GRM7: variants seen among roughly 807,000 people sequenced by gnomAD.
GRM7 encodes glutamate metabotropic receptor 7.
In GRM7, 35 loss-of-function variants were observed where a neutral mutation model predicts 84.5. That is an observed-to-expected ratio of 0.41 (90% CI 0.32 to 0.55). The LOEUF is 0.55. Among genes scored for constraint, GRM7 ranks in the 20% least tolerant of loss-of-function variants. GRM7 has a pLI of 0.19. For synonymous variants in GRM7, 487 were observed against 455.1 expected (o/e 1.07, Z -0.89); for missense variants, 1,003 against 1,194.6 (o/e 0.84, Z 2.36).
In GRM7 at chr3:7,579,184, T is replaced by C. The variant is rs748466917; in HGVS notation, c.2278T>C (p.Leu760=). ...TACAGATCTCCAAATCATTTGCTCC[T>C]TGGGATATAGCATTCTTCTCATGGT... The part of the protein sequence containing the change: ...DITDLQIICS[L]GYSILLMVTC... The change falls in exon 8 of 10, where the codon TTG becomes CTG. Residue 760 remains leucine (L), a synonymous_variant. Coordinates refer to ENST00000357716, the MANE Select transcript of GRM7 (RefSeq NM_000844.4). 18 of 1,613,916 alleles carry C rather than the reference T, an allele frequency of 1.1e-5. No homozygotes were observed. The East Asian group carries it at 4.0e-4, about 36-fold the overall frequency.
chr3:7,077,264 A>G (rs1207754591), intron 1 of GRM7, among the ~76,000 whole-genome samples: 1 of 152,240 alleles, frequency 6.6e-6, no homozygotes, highest in African/African-American at 2.4e-5. Context: ...CTGTAAGGAC[A>G]CATACACACG....
At chr3:7,239,800 T>A (rs1697482110) in intron 2 of GRM7, among the ~76,000 whole-genome samples, 1 of 152,198 alleles carries the variant, frequency 6.6e-6, no homozygotes, top group African/African-American at 2.4e-5. Flanking sequence ...GTGCTCCTTC[T>A]TTCAGCATCA....
chr3:7,044,023 C>G (rs554487488), intron 1 of GRM7, among the ~76,000 whole-genome samples: 1 of 152,192 alleles, frequency 6.6e-6, no homozygotes, highest in African/African-American at 2.4e-5. Flanking sequence ...ATCTCATTAA[C>G]TTTAGCTCAT....
At chr3:6,907,697 C>T (rs527291767) in intron 1 of GRM7, among the ~76,000 whole-genome samples, 6 of 152,044 alleles carry the variant, frequency 3.9e-5, no homozygotes, top group East Asian at 1.9e-4. Flanking sequence ...TAAGGAACCA[C>T]GGAGAGAGAA....
At chr3:7,727,118 A>G (rs1253380347) in intron 9 of GRM7, among the ~76,000 whole-genome samples, 2 of 152,190 alleles carry the variant, frequency 1.3e-5, no homozygotes, top group African/African-American at 2.4e-5. Context: ...ATTATTAACA[A>G]TATAGCACAT....
At chr3:7,179,036 G>A (rs1695249943) in intron 2 of GRM7, among the ~76,000 whole-genome samples, 1 of 152,162 alleles carries the variant, frequency 6.6e-6, no homozygotes, top group Non-Finnish European at 1.5e-5. Flanking sequence ...AGCCTGGGAG[G>A]TGGAAGTTGC....
intron 1 of GRM7, among the ~76,000 whole-genome samples, chr3:7,025,334 A>G (rs1695942226): frequency 6.6e-6 from 1 of 152,202 alleles, no homozygotes; most frequent in South Asian, 2.1e-4. Context: ...CTGGGGATGA[A>G]GCATTATTCT....
chr3:7,561,062 T>C (rs1183329315), intron 7 of GRM7, among the ~76,000 whole-genome samples: 2 of 152,072 alleles, frequency 1.3e-5, no homozygotes, highest in Admixed American at 6.6e-5. Flanking sequence ...CATTTTTTCT[T>C]CCTCCCTTGC....
chr3:7,518,164 C>T, intron 7 of GRM7, among the ~76,000 whole-genome samples: 1 of 152,180 alleles, frequency 6.6e-6, no homozygotes, highest in East Asian at 1.9e-4. Context: ...AGAGCACAAG[C>T]CCCAAGAGAG....
intron 2 of GRM7, among the ~76,000 whole-genome samples, chr3:7,291,169 C>T (rs892859700): frequency 2.6e-5 from 4 of 151,610 alleles, no homozygotes; most frequent in South Asian, 2.1e-4. Context: ...GGAATTTTCT[C>T]GTCCTTCTAT....
intron 2 of GRM7, among the ~76,000 whole-genome samples, chr3:7,170,070 G>A (rs546612616): frequency 1.3e-5 from 2 of 152,140 alleles, no homozygotes; most frequent in African/African-American, 4.8e-5. Context: ...ACTCATTCCT[G>A]GGTGTTGCTG....
chr3:6,984,396 A>T (rs1266869143), intron 1 of GRM7, among the ~76,000 whole-genome samples: 1 of 152,218 alleles, frequency 6.6e-6, no homozygotes, highest in Non-Finnish European at 1.5e-5. Flanking sequence ...TTGAAAGCTG[A>T]TGCATTACAA....
chr3:7,505,006 A>G lies in GRM7; in HGVS notation c.1515+43284A>G, dbSNP rs1364818247. ...CTCCAGCTGTGAACTTGTGAAATCAAAACAAGTTATCTACTTTCAAAATAC... is the reference window on the plus strand; with the variant it reads ...CTCCAGCTGTGAACTTGTGAAATCAGAACAAGTTATCTACTTTCAAAATAC... On this transcript the variant is annotated intron_variant, in intron 7 of 9. Transcript: ENST00000357716. 3.3e-5 allele frequency among the ~76,000 whole-genome samples: 5 copies of G among 152,232 alleles called. 1 individual carries two copies. The highest frequency in any genetic ancestry group is 3.3e-4 in the Admixed American group (5 of 15,276).
intron 8 of GRM7, among the ~76,000 whole-genome samples, chr3:7,660,863 C>A (rs1195771340): frequency 8.3e-6 from 1 of 120,702 alleles, no homozygotes; most frequent in Non-Finnish European, 2.1e-5. Context: ...AAGGGCAATA[C>A]AATGAATAAG....
intron 2 of GRM7, among the ~76,000 whole-genome samples, chr3:7,182,474 C>G (rs564207700): frequency 6.6e-6 from 1 of 152,012 alleles, no homozygotes; most frequent in African/African-American, 2.4e-5. Flanking sequence ...TTTTAACTTT[C>G]CTTTCTCTCA....
chr3:7,348,758 A>G (rs904211241), intron 4 of GRM7, among the ~76,000 whole-genome samples: 1 of 152,104 alleles, frequency 6.6e-6, no homozygotes, highest in Non-Finnish European at 1.5e-5. Context: ...TGAATCAGAA[A>G]CTATAGCAAT....
intron 1 of GRM7, among the ~76,000 whole-genome samples, chr3:7,134,692 G>A (rs543649275): frequency 4.5e-4 from 68 of 152,198 alleles, no homozygotes; most frequent in Middle Eastern, 3.4e-3. Flanking sequence ...GGAATTCAGG[G>A]ATGAGAAAAG....
chr3:6,897,622 G>A (rs543252317), intron 1 of GRM7, among the ~76,000 whole-genome samples: 5 of 152,202 alleles, frequency 3.3e-5, no homozygotes, highest in Non-Finnish European at 7.3e-5. Context: ...ATAAATGCTA[G>A]CTGTTACCAT....
intron 1 of GRM7, among the ~76,000 whole-genome samples, chr3:7,056,977 C>A (rs1334339204): frequency 1.3e-5 from 2 of 151,894 alleles, no homozygotes; most frequent in African/African-American, 4.8e-5. Flanking sequence ...TTTTCTAAAT[C>A]ATTCTGCAGT....
Sources: gnomAD v4.1 joint callset for allele counts (sites outside exome capture counted in the v4.1 genomes callset) on GRCh38, gnomAD v4.1.1 for gene constraint, MANE v1.5 for transcripts, NCBI Gene and HGNC (gene_info 2026-07-23, HGNC 2026-07-21) for gene names.